FGGY: variants seen among roughly 807,000 people sequenced by gnomAD.
FGGY encodes FGGY carbohydrate kinase domain containing.
A neutral mutation model predicts 71.3 loss-of-function variants in FGGY; 72 were observed. That is an observed-to-expected ratio of 1.01 (90% CI 0.84 to 1.23). The LOEUF (loss-of-function observed/expected upper bound fraction) is 1.23. FGGY is among the 50% of genes most tolerant of loss of function. The pLI, the probability that FGGY is intolerant of heterozygous loss-of-function variation, is 0.00. For missense variants in FGGY, 668 were observed against 682.3 expected (o/e 0.98, Z 0.23); for synonymous variants, 251 against 250.3 (o/e 1.00, Z -0.02).
chr1:59,393,329 G>GCAT (rs2060921038), intron 5 of FGGY: 1 of 152,248 alleles, frequency 6.6e-6, no homozygotes, highest in South Asian at 2.1e-4. Flanking sequence ...CCTCTGCAGT[G>GCAT]GATGTGTTCC....
chr1:59,536,435 T>C (rs2095316753), intron 7 of FGGY, among the ~76,000 whole-genome samples: 2 of 152,186 alleles, frequency 1.3e-5, no homozygotes, highest in South Asian at 4.1e-4. Context: ...TCTGAAACTA[T>C]TCCAATCAAT....
At chr1:59,518,085 C>T (rs1282660907) in intron 7 of FGGY, among the ~76,000 whole-genome samples, 1 of 152,222 alleles carries the variant, frequency 6.6e-6, no homozygotes, top group Non-Finnish European at 1.5e-5. Context: ...GCTTAAATTG[C>T]TCATCTGGGC....
chr1:59,626,912 A>G (rs1439495938), intron 10 of FGGY: 2 of 152,128 alleles, frequency 1.3e-5, no homozygotes, highest in Non-Finnish European at 2.9e-5. Context: ...TTAGTTACCT[A>G]CAGGGGGTGG....
chr1:59,660,491 A>G (rs2153958221), intron 12 of FGGY, 198 bp downstream of exon 12: 1 of 411,878 alleles, frequency 2.4e-6, no homozygotes, highest in East Asian at 3.7e-5. Flanking sequence ...AACCTCACAT[A>G]ACAAAAAGCT....
chr1:59,312,882 T>C (rs1177695728), intron 1 of FGGY, among the ~76,000 whole-genome samples: 1 of 152,202 alleles, frequency 6.6e-6, no homozygotes, highest in Admixed American at 6.5e-5. Flanking sequence ...ATTTGGTAGG[T>C]TCTGTCTTTT....
intron 8 of FGGY, among the ~76,000 whole-genome samples, chr1:59,589,096 T>A (rs1415739889): frequency 6.6e-6 from 1 of 151,876 alleles, no homozygotes; most frequent in Admixed American, 6.6e-5. Context: ...TGGAGGAAGA[T>A]CTCCCATGCA....
chr1:59,545,972 A>T (rs967757911), intron 7 of FGGY, among the ~76,000 whole-genome samples: 1 of 152,208 alleles, frequency 6.6e-6, no homozygotes, highest in African/African-American at 2.4e-5. Context: ...TTTTGTCATC[A>T]GTTGTATAGT....
At position 59,543,275 on chromosome 1, in the gene FGGY, T is replaced by C. The variant is rs1486964804; in HGVS notation, c.800-10849T>C. ...CTGCTCTGCCTATCACTTAATTCTC[T>C]GAGCCCTCTGGCCTGAGTCTTATCC... On this transcript the variant is annotated intron_variant, in intron 7 of 15. Transcript: ENST00000303721. 2.0e-5 allele frequency among the ~76,000 whole-genome samples: 3 copies of C among 152,190 alleles called. No individual in the cohort carries two copies. The East Asian group carries it at 5.8e-4, about 29-fold the overall frequency.
intron 7 of FGGY, among the ~76,000 whole-genome samples, chr1:59,547,624 TATG>T (rs1409357256): frequency 5.3e-5 from 8 of 152,188 alleles, no homozygotes; most frequent in Non-Finnish European, 1.2e-4. Flanking sequence ...GGGAATCAAA[TATG>T]ATAATATTTG....
chr1:59,761,411 A>G (rs1422035460), intron 15 of FGGY, among the ~76,000 whole-genome samples: 7 of 152,174 alleles, frequency 4.6e-5, no homozygotes, highest in African/African-American at 1.4e-4. Context: ...CTCTCTGCCA[A>G]TGCACAACTT....
rs566404228 is a variant in FGGY, at chr1:59,738,176, G to A, written c.1513-19755G>A. Among the ~76,000 whole-genome samples the A allele has an allele frequency of 5.7e-4, 87 of 152,234 alleles. 2 individuals carry two copies. The South Asian group carries it at 0.011, about 19-fold the overall frequency. On this transcript the variant is annotated intron_variant, in intron 14 of 15. Coordinates refer to ENST00000303721, the MANE Select transcript of FGGY (RefSeq NM_018291.5). ...AAAGGTAATAGGCATTGAAGAAAAC[G>A]TTCTCACAGAAACTCCCAGCTGCAA...
intron 5 of FGGY, among the ~76,000 whole-genome samples, chr1:59,433,231 T>C (rs552337984): frequency 6.6e-5 from 10 of 152,314 alleles, no homozygotes; most frequent in African/African-American, 2.4e-4. Flanking sequence ...CAGTAGCACA[T>C]ATCCCCACCC....
intron 14 of FGGY, among the ~76,000 whole-genome samples, chr1:59,753,298 T>A (rs890196830): frequency 2.6e-5 from 4 of 151,796 alleles, no homozygotes; most frequent in Non-Finnish European, 5.9e-5. Context: ...TTCAGTTTTA[T>A]GTTAATTATT....
chr1:59,456,262 A>G (rs1299027654), intron 5 of FGGY, among the ~76,000 whole-genome samples: 1 of 152,152 alleles, frequency 6.6e-6, no homozygotes, highest in Non-Finnish European at 1.5e-5. Context: ...GTATCTCTAA[A>G]TGATAAGGAG....
At position 59,561,023 on chromosome 1, in the gene FGGY, G is replaced by A. The variant is rs113063880; in HGVS notation, c.903+6796G>A. On this transcript the variant is annotated intron_variant, in intron 8 of 15. Transcript: ENST00000303721. ...CCTGAGGCCTGAGCAGGATGTGGGT[G>A]TGTATGAGCCCTTTGGGAGGGCACC... Among the ~76,000 whole-genome samples, 349 of 152,328 alleles carry A rather than the reference G, an allele frequency of 2.3e-3. 1 individual carries two copies. The highest frequency in any genetic ancestry group is 0.014 in the Middle Eastern group (4 of 294).
chr1:59,349,528 A>C (rs1164492310), intron 4 of FGGY, among the ~76,000 whole-genome samples: 1 of 152,164 alleles, frequency 6.6e-6, no homozygotes, highest in Non-Finnish European at 1.5e-5. Context: ...ACTTGAGATA[A>C]AACTGCACTA....
At chr1:59,311,316 G>C (rs1419734905) in intron 1 of FGGY, among the ~76,000 whole-genome samples, 1 of 151,800 alleles carries the variant, frequency 6.6e-6, no homozygotes, top group East Asian at 1.9e-4. Context: ...AGAACCTGCA[G>C]GTTTGTTACA....
intron 1 of FGGY, among the ~76,000 whole-genome samples, chr1:59,308,521 A>C (rs1043762643): frequency 2.0e-5 from 3 of 152,206 alleles, no homozygotes; most frequent in Non-Finnish European, 4.4e-5. Context: ...GTGTTTCCTG[A>C]AATCTTTTAT....
chr1:59,696,099 A>C (rs1436148376), intron 14 of FGGY, among the ~76,000 whole-genome samples: 1 of 152,210 alleles, frequency 6.6e-6, no homozygotes, highest in Non-Finnish European at 1.5e-5. Flanking sequence ...GAACCAGCAC[A>C]TTGCTGTGAG....
Sources: allele counts gnomAD v4.1 joint callset (sites outside exome capture counted in the v4.1 genomes callset), GRCh38; gene constraint gnomAD v4.1.1; transcripts MANE v1.5; gene names NCBI Gene and HGNC (gene_info 2026-07-23, HGNC 2026-07-21).